Variants in BBS9 observed in about 807,000 individuals in gnomAD.
BBS9 encodes Bardet-Biedl syndrome 9.
A neutral mutation model predicts 117.7 loss-of-function variants in BBS9; 89 were observed. The ratio of observed to expected loss-of-function variants is 0.76; its 90% CI spans 0.64 to 0.90. BBS9 has a LOEUF of 0.90. Among genes scored for constraint, BBS9 ranks in the 40% least tolerant of loss-of-function variants. The pLI, the probability that BBS9 is intolerant of heterozygous loss-of-function variation, is 0.00. For missense variants in BBS9, 982 were observed against 1,042.2 expected (o/e 0.94, Z 0.80); for synonymous variants, 379 against 370.9 (o/e 1.02, Z -0.25).
At chr7:33,374,816 G>A (rs958431375) in intron 17 of BBS9, among the ~76,000 whole-genome samples, 1 of 147,482 alleles carries the variant, frequency 6.8e-6, no homozygotes, top group Non-Finnish European at 1.5e-5. Flanking sequence ...CAGGAGAATC[G>A]CTTGAACCTG....
chr7:33,212,752 G>T (rs1386763606), intron 5 of BBS9, among the ~76,000 whole-genome samples: 3 of 152,192 alleles, frequency 2.0e-5, no homozygotes, highest in Admixed American at 2.0e-4. Context: ...TGTGGTTTCT[G>T]CAGGCTGGTA....
chr7:33,276,128 G>A (rs183098902), intron 9 of BBS9, among the ~76,000 whole-genome samples: 24 of 152,204 alleles, frequency 1.6e-4, no homozygotes, highest in African/African-American at 5.3e-4. Flanking sequence ...TTAACACAAA[G>A]TATAGGATTA....
intron 21 of BBS9, among the ~76,000 whole-genome samples, chr7:33,589,154 T>C (rs1861453437): frequency 2.0e-5 from 3 of 152,250 alleles, no homozygotes; most frequent in South Asian, 4.1e-4. Flanking sequence ...CCATGGAGGA[T>C]GTGTTCTGAG....
intron 6 of BBS9, 120 bp downstream of exon 6, chr7:33,257,530 T>C (rs1797284977): frequency 2.2e-6 from 2 of 919,904 alleles, no homozygotes; most frequent in Non-Finnish European, 3.5e-6. Context: ...TCTTTGAAAA[T>C]ATGTGATTGT....
chr7:33,257,991 G>C (rs979417596), intron 6 of BBS9, among the ~76,000 whole-genome samples: 2 of 152,134 alleles, frequency 1.3e-5, no homozygotes, highest in Admixed American at 6.5e-5. Context: ...ATACTTATTC[G>C]CTAGAAATTC....
intron 19 of BBS9, among the ~76,000 whole-genome samples, chr7:33,394,232 A>G (rs773379624): frequency 6.6e-6 from 1 of 152,202 alleles, no homozygotes; most frequent in Non-Finnish European, 1.5e-5. Flanking sequence ...AAAAAAGAAC[A>G]AGATTATGTC....
intron 21 of BBS9, among the ~76,000 whole-genome samples, chr7:33,585,243 C>G (rs1441534942): frequency 6.6e-6 from 1 of 152,012 alleles, no homozygotes; most frequent in East Asian, 1.9e-4. Context: ...TCCTTTTTTA[C>G]TAAGAGGAAA....
At chr7:33,346,423 A>G (rs1444393793) in intron 12 of BBS9, 2 of 246,802 alleles carry the variant, frequency 8.1e-6, no homozygotes, top group African/African-American at 2.3e-5. Context: ...TATCTAGGAT[A>G]AAAATTTGGT....
intron 9 of BBS9, among the ~76,000 whole-genome samples, chr7:33,330,050 G>T (rs1214032025): frequency 6.6e-6 from 1 of 151,464 alleles, no homozygotes; most frequent in Non-Finnish European, 1.5e-5. Context: ...GTCTCGCTCT[G>T]TCGCCTGGGC....
chr7:33,557,267 A>G (rs903705389), intron 21 of BBS9, among the ~76,000 whole-genome samples: 6 of 152,030 alleles, frequency 3.9e-5, no homozygotes, highest in Non-Finnish European at 7.4e-5. Context: ...ACTTTTTTTC[A>G]TTTGCCAAGA....
chr7:33,138,789 A>C lies in BBS9; in HGVS notation c.-11-7453A>C, dbSNP rs572074990. Among the ~76,000 whole-genome samples, 30 of 150,560 alleles carry C rather than the reference A, an allele frequency of 2.0e-4. No homozygotes were observed. In the South Asian group the frequency reaches 6.3e-3, roughly 32 times the overall value. ...TGGGGGGGAAAGATGGGGTCTTGCT[A>C]TGTTGCCCAGGCTCGTCTCAAACTC... On this transcript the variant is annotated intron_variant, in intron 1 of 22. Coordinates refer to ENST00000242067, the MANE Select transcript of BBS9 (RefSeq NM_198428.3).
chr7:33,606,185 G>A (rs1463198632), downstream of BBS9: 1 of 151,966 alleles, frequency 6.6e-6, no homozygotes. Context: ...TCTTTTAGGA[G>A]ATGCAGATAT....
downstream of BBS9, among the ~76,000 whole-genome samples, chr7:33,606,426 A>C (rs75180048): frequency 3.3e-5 from 5 of 152,184 alleles, no homozygotes; most frequent in Non-Finnish European, 7.3e-5. Context: ...ATTAGCTGGC[A>C]TTATTTTTAT....
chr7:33,406,349 C>G (rs891086619), intron 19 of BBS9, among the ~76,000 whole-genome samples: 1 of 152,118 alleles, frequency 6.6e-6, no homozygotes, highest in Non-Finnish European at 1.5e-5. Context: ...CTGTAGATGT[C>G]TATTAGGTCT....
intron 9 of BBS9, among the ~76,000 whole-genome samples, chr7:33,304,887 A>G (rs1584223376): frequency 6.6e-6 from 1 of 152,138 alleles, no homozygotes; most frequent in African/African-American, 2.4e-5. Context: ...GGTTAAATGG[A>G]TTAAGGGCGG....
intron 19 of BBS9, among the ~76,000 whole-genome samples, chr7:33,468,749 G>A (rs1244856718): frequency 6.6e-6 from 1 of 152,044 alleles, no homozygotes; most frequent in Non-Finnish European, 1.5e-5. Flanking sequence ...ATATGAATGA[G>A]AACATGCAAT....
intron 5 of BBS9, among the ~76,000 whole-genome samples, chr7:33,188,112 G>GTGTGTGTGT (rs373410318): frequency 3.7e-4 from 44 of 120,306 alleles, no homozygotes; most frequent in Non-Finnish European, 5.7e-4. Flanking sequence ...GTGTGTGTGT[G>GTGTGTGTGT]GCGGGTGGGG....
intron 21 of BBS9, among the ~76,000 whole-genome samples, chr7:33,629,081 T>A (rs1214481132): frequency 6.6e-6 from 1 of 152,240 alleles, no homozygotes; most frequent in Admixed American, 6.5e-5. Context: ...AACTGAGTCA[T>A]TGTCCTTATC....
chr7:33,185,324 T>C (rs1439727250), intron 5 of BBS9, among the ~76,000 whole-genome samples: 1 of 151,668 alleles, frequency 6.6e-6, no homozygotes. Flanking sequence ...CACGGTGGAG[T>C]CGCTTTGGTT....
Sources: gnomAD v4.1 joint callset for allele counts (sites outside exome capture counted in the v4.1 genomes callset) on GRCh38, gnomAD v4.1.1 for gene constraint, MANE v1.5 for transcripts, NCBI Gene and HGNC (gene_info 2026-07-23, HGNC 2026-07-21) for gene names.